GHR: variants seen among roughly 807,000 people sequenced by gnomAD.
GHR encodes the protein GH receptor.
In GHR, 35 loss-of-function variants were observed where a neutral mutation model predicts 67.1. The observed-to-expected ratio is 0.52, with a 90% CI of 0.40 to 0.69. The LOEUF is 0.69. GHR is among the 30% of genes least tolerant of loss of function. The pLI, the probability that GHR is intolerant of heterozygous loss-of-function variation, is 0.00. For synonymous variants in GHR, 272 were observed against 269.1 expected (o/e 1.01, Z -0.10); for missense variants, 792 against 764.6 (o/e 1.04, Z -0.42).
intron 3 of GHR, among the ~76,000 whole-genome samples, chr5:42,635,486 AACAGTCTTT>A (rs1336101870): frequency 6.6e-6 from 1 of 152,246 alleles, no homozygotes; most frequent in African/African-American, 2.4e-5. Context: ...TAATTAAAAC[AACAGTCTTT>A]ACTTATATGG....
At chr5:42,525,656 G>C (rs1203597674) in intron 1 of GHR, among the ~76,000 whole-genome samples, 1 of 152,154 alleles carries the variant, frequency 6.6e-6, no homozygotes, top group Non-Finnish European at 1.5e-5. Flanking sequence ...TGGTTTGGCT[G>C]TGTCCCCACC....
chr5:42,601,887 G>A (rs1289901540), intron 2 of GHR, among the ~76,000 whole-genome samples: 4 of 151,944 alleles, frequency 2.6e-5, no homozygotes, highest in African/African-American at 9.7e-5. Flanking sequence ...TATATGATTT[G>A]TAATTCAAAA....
intron 1 of GHR, among the ~76,000 whole-genome samples, chr5:42,515,588 A>G (rs1361107381): frequency 1.3e-5 from 2 of 152,260 alleles, no homozygotes; most frequent in East Asian, 3.8e-4. Flanking sequence ...TTCTTAATTA[A>G]GATCCCAATT....
chr5:42,670,683 C>A (rs1212400214), intron 3 of GHR, among the ~76,000 whole-genome samples: 1 of 151,680 alleles, frequency 6.6e-6, no homozygotes, highest in South Asian at 2.1e-4. Context: ...AACAAGAAAG[C>A]CAATTACCCT....
At chr5:42,548,719 T>C (rs1748862713) in intron 1 of GHR, among the ~76,000 whole-genome samples, 1 of 152,216 alleles carries the variant, frequency 6.6e-6, no homozygotes, top group African/African-American at 2.4e-5. Flanking sequence ...TTCCCCTTAC[T>C]TCTCTGCCCT....
At chr5:42,623,552 A>G (rs923475602) in intron 2 of GHR, among the ~76,000 whole-genome samples, 12 of 152,038 alleles carry the variant, frequency 7.9e-5, no homozygotes, top group Non-Finnish European at 1.2e-4. Flanking sequence ...CTTGGCCCCA[A>G]CTGCCCTTTC....
At chr5:42,614,137 C>G (rs919152254) in intron 2 of GHR, among the ~76,000 whole-genome samples, 1 of 152,230 alleles carries the variant, frequency 6.6e-6, no homozygotes, top group East Asian at 1.9e-4. Context: ...CAGAGCATAA[C>G]CATGCTTTGT....
intron 1 of GHR, among the ~76,000 whole-genome samples, chr5:42,487,332 T>C (rs1745927727): frequency 6.6e-6 from 1 of 152,242 alleles, no homozygotes; most frequent in East Asian, 1.9e-4. Flanking sequence ...TAGTATTTTC[T>C]ATGTCTGATA....
At chr5:42,555,255 C>G (rs776415909) in intron 1 of GHR, among the ~76,000 whole-genome samples, 1 of 152,108 alleles carries the variant, frequency 6.6e-6, no homozygotes, top group Non-Finnish European at 1.5e-5. Flanking sequence ...TAAGGCATAG[C>G]GATAAATATT....
At chr5:42,514,187 G>T in intron 1 of GHR, 1 of 985,086 alleles carries the variant, frequency 1.0e-6, no homozygotes, top group South Asian at 4.7e-5. Context: ...TTTGGATTCT[G>T]CATTGACTAC....
At chr5:42,444,901 C>T (rs921816323) in intron 1 of GHR, among the ~76,000 whole-genome samples, 22 of 152,194 alleles carry the variant, frequency 1.4e-4, no homozygotes, top group South Asian at 1.0e-3. Context: ...TTAAGACTCG[C>T]GATTTCTCTC....
intron 6 of GHR, among the ~76,000 whole-genome samples, chr5:42,701,132 T>G (rs991517343): frequency 6.6e-5 from 10 of 152,200 alleles, no homozygotes; most frequent in African/African-American, 2.4e-4. Flanking sequence ...TTCAGTACTA[T>G]TTTCACAATA....
At chr5:42,677,289 A>G (rs1756617614) in intron 3 of GHR, among the ~76,000 whole-genome samples, 1 of 152,128 alleles carries the variant, frequency 6.6e-6, no homozygotes, top group Non-Finnish European at 1.5e-5. Context: ...CCAGGTCACT[A>G]GGGAAAAGTA....
At chr5:42,573,260 A>T (rs1027309904) in intron 2 of GHR, among the ~76,000 whole-genome samples, 1 of 152,182 alleles carries the variant, frequency 6.6e-6, no homozygotes, top group Non-Finnish European at 1.5e-5. Context: ...GAGTTGAATT[A>T]GTATCCCCTT....
chr5:42,495,374 G>A (rs953630401), intron 1 of GHR, among the ~76,000 whole-genome samples: 2 of 152,010 alleles, frequency 1.3e-5, no homozygotes, highest in African/African-American at 4.8e-5. Context: ...CATCCCCTCA[G>A]TGATTCATTA....
At chr5:42,430,868 T>G (rs1743064097) in intron 1 of GHR, among the ~76,000 whole-genome samples, 1 of 152,126 alleles carries the variant, frequency 6.6e-6, no homozygotes, top group African/African-American at 2.4e-5. Context: ...AACCAAAGGT[T>G]TACTTTGCTA....
At chr5:42,658,254 G>A (rs955671855) in intron 3 of GHR, among the ~76,000 whole-genome samples, 2 of 152,226 alleles carry the variant, frequency 1.3e-5, no homozygotes, top group African/African-American at 4.8e-5. Context: ...GAAAGAGGCA[G>A]TGGGCAGTGC....
chr5:42,619,851 T>C (rs1753349735), intron 2 of GHR: 1 of 152,134 alleles, frequency 6.6e-6, no homozygotes, highest in Admixed American at 6.6e-5. Flanking sequence ...ACCTCTGACA[T>C]GCTGAATTGC....
chr5:42,481,626 A>AT, intron 1 of GHR, among the ~76,000 whole-genome samples: 1 of 152,020 alleles, frequency 6.6e-6, no homozygotes, highest in East Asian at 1.9e-4. Flanking sequence ...TTCTCGCTTC[A>AT]TTTCATTCAT....
Sources: allele counts gnomAD v4.1 joint callset (sites outside exome capture counted in the v4.1 genomes callset), GRCh38; gene constraint gnomAD v4.1.1; transcripts MANE v1.5; gene names NCBI Gene and HGNC (gene_info 2026-07-23, HGNC 2026-07-21).